ITGB5: variants seen among roughly 807,000 people sequenced by gnomAD.
ITGB5 encodes the protein integrin subunit beta 5.
A neutral mutation model predicts 84.8 loss-of-function variants in ITGB5; 38 were observed. The observed-to-expected ratio is 0.45, with a 90% CI of 0.35 to 0.59. The LOEUF (loss-of-function observed/expected upper bound fraction) is 0.59. ITGB5 is among the 20% of genes least tolerant of loss of function. The pLI is 0.01. For synonymous variants in ITGB5, 393 were observed against 414.4 expected, an observed-to-expected ratio of 0.95 and a Z score of 0.63; for missense variants, 905 against 1,034.5, an observed-to-expected ratio of 0.87 and a Z score of 1.72.
chr3:124,873,374 G>T, intron 2 of ITGB5, 72 bp downstream of exon 2: 1 of 971,628 alleles, frequency 1.0e-6, no homozygotes, highest in Non-Finnish European at 1.7e-6. Context: ...GTGTGTTGTG[G>T]TGTTGGCCTC....
At chr3:124,876,950 CT>C (rs1330704652) in intron 1 of ITGB5, among the ~76,000 whole-genome samples, 5 of 150,796 alleles carry the variant, frequency 3.3e-5, no homozygotes. Context: ...CTTTTCTTTT[CT>C]TTTTTTTGAT....
intron 10 of ITGB5, among the ~76,000 whole-genome samples, chr3:124,785,959 T>G (rs1001101049): frequency 6.6e-6 from 1 of 152,206 alleles, no homozygotes; most frequent in Non-Finnish European, 1.5e-5. Context: ...AATGAGCTAA[T>G]TGTTTACCTG....
chr3:124,795,490 GAAA>G (rs753624688), intron 10 of ITGB5, among the ~76,000 whole-genome samples: 6 of 139,254 alleles, frequency 4.3e-5, no homozygotes, highest in Admixed American at 1.4e-4. Flanking sequence ...CTCCATCTCA[GAAA>G]AAAAAAAAAG....
chr3:124,825,234 T>A (rs902094471), intron 5 of ITGB5, among the ~76,000 whole-genome samples: 6 of 151,212 alleles, frequency 4.0e-5, no homozygotes, highest in African/African-American at 1.5e-4. Context: ...ATTAGAACTC[T>A]CATAATTGCC....
At chr3:124,873,417 C>G in intron 2 of ITGB5, 29 bp downstream of exon 2, 1 of 1,510,352 alleles carries the variant, frequency 6.6e-7, no homozygotes, top group Non-Finnish European at 9.2e-7. Context: ...CATTCCTTCC[C>G]TTCTTCCTCC....
chr3:124,883,097 G>C (rs997828223), intron 1 of ITGB5, among the ~76,000 whole-genome samples: 2 of 152,212 alleles, frequency 1.3e-5, no homozygotes, highest in Non-Finnish European at 2.9e-5. Flanking sequence ...TGTGAAAAGA[G>C]ACCCTATCCC....
chr3:124,775,791 T>C (rs2063918586), intron 10 of ITGB5, among the ~76,000 whole-genome samples: 1 of 152,122 alleles, frequency 6.6e-6, no homozygotes, highest in Non-Finnish European at 1.5e-5. Flanking sequence ...CAATATAATA[T>C]AGGTCAGAAC....
At chr3:124,775,894 G>A (rs942002963) in intron 10 of ITGB5, among the ~76,000 whole-genome samples, 10 of 152,180 alleles carry the variant, frequency 6.6e-5, no homozygotes, top group Admixed American at 2.6e-4. Context: ...ACCTGTAGGC[G>A]GCAGGGGGAC....
intron 1 of ITGB5, among the ~76,000 whole-genome samples, chr3:124,886,663 C>T (rs1251529658): frequency 6.6e-6 from 1 of 151,972 alleles, no homozygotes; most frequent in Non-Finnish European, 1.5e-5. Context: ...CCCTGGCGGG[C>T]TAGGTCAGCA....
rs1282246796 is a variant in ITGB5, at chr3:124,821,493, A to C, written c.781-19T>G. Reference sequence around the variant, plus strand: ...TCTTCTCCTGAAGGACAGAAGGTGGATGGGTACACCAGTCTTTCTGCCCAG... The same window carrying C: ...TCTTCTCCTGAAGGACAGAAGGTGGCTGGGTACACCAGTCTTTCTGCCCAG... On this transcript the variant is annotated intron_variant, in intron 5 of 14. Coordinates refer to ENST00000296181, the MANE Select transcript of ITGB5 (RefSeq NM_002213.5). 1 of 1,613,610 alleles carries C rather than the reference A, an allele frequency of 6.2e-7. No individual in the cohort carries two copies. Among genetic ancestry groups the C allele is most frequent in the Non-Finnish European group, 8.5e-7 (1 of 1,179,864 alleles).
In ITGB5 at chr3:124,838,606, A is replaced by T. The variant is rs556762906; in HGVS notation, c.780+2777T>A. On this transcript the variant is annotated intron_variant, in intron 5 of 14. Transcript: ENST00000296181. Reference sequence around the variant, plus strand: ...CTTACATATTATTCAAGTCATTAAAATTTTTTTTTTTTTGAGACAGAGTCT... The same window carrying T: ...CTTACATATTATTCAAGTCATTAAATTTTTTTTTTTTTTGAGACAGAGTCT... Among the ~76,000 whole-genome samples, 37 of 147,512 alleles carry T rather than the reference A, an allele frequency of 2.5e-4. 1 individual carries two copies. The East Asian group carries it at 6.3e-3, about 25-fold the overall frequency.
intron 1 of ITGB5, among the ~76,000 whole-genome samples, chr3:124,876,491 AG>A (rs929698108): frequency 5.9e-5 from 9 of 152,128 alleles, no homozygotes; most frequent in African/African-American, 2.2e-4. Flanking sequence ...TGACTGGCAG[AG>A]GGGTGGGTGC....
chr3:124,765,418 C>G (rs957845509), intron 13 of ITGB5, among the ~76,000 whole-genome samples: 4 of 152,214 alleles, frequency 2.6e-5, no homozygotes, highest in Non-Finnish European at 5.9e-5. Flanking sequence ...TGGGAAGCAG[C>G]AGTGGCCCCG....
chr3:124,848,667 TG>T, intron 3 of ITGB5, 109 bp from the exon 4 acceptor site: 1 of 1,211,698 alleles, frequency 8.3e-7, no homozygotes, highest in Non-Finnish European at 1.1e-6. Flanking sequence ...CTTTAGTGAT[TG>T]TGTGCCTCAC....
chr3:124,805,331 C>T (rs2064383554), intron 9 of ITGB5, among the ~76,000 whole-genome samples: 1 of 151,748 alleles, frequency 6.6e-6, no homozygotes, highest in South Asian at 2.1e-4. Flanking sequence ...TTGGGGGAGA[C>T]TGGGTTTTGC....
intron 8 of ITGB5, among the ~76,000 whole-genome samples, chr3:124,815,415 G>A (rs746762426): frequency 2.0e-5 from 3 of 152,306 alleles, no homozygotes; most frequent in Non-Finnish European, 2.9e-5. Flanking sequence ...TGGCCCCTCC[G>A]CAGAAGCCTT....
At chr3:124,824,808 A>C (rs1157877454) in intron 5 of ITGB5, among the ~76,000 whole-genome samples, 6 of 152,234 alleles carry the variant, frequency 3.9e-5, no homozygotes, top group Non-Finnish European at 8.8e-5. Context: ...TTAGTCATTA[A>C]GGAAATGCAA....
At chr3:124,767,495 C>T (rs546515843) in intron 12 of ITGB5, among the ~76,000 whole-genome samples, 9 of 152,336 alleles carry the variant, frequency 5.9e-5, no homozygotes, top group South Asian at 4.1e-4. Context: ...TGTGCATGAA[C>T]GGCTGTCACT....
intron 5 of ITGB5, among the ~76,000 whole-genome samples, chr3:124,828,271 A>G (rs1440240006): frequency 3.9e-5 from 6 of 152,244 alleles, no homozygotes; most frequent in African/African-American, 1.4e-4. Flanking sequence ...ATAACAGGCA[A>G]AAACTAATGT....
Sources: gnomAD v4.1 joint callset for allele counts (sites outside exome capture counted in the v4.1 genomes callset) on GRCh38, gnomAD v4.1.1 for gene constraint, MANE v1.5 for transcripts, NCBI Gene and HGNC (gene_info 2026-07-23, HGNC 2026-07-21) for gene names.